Variants in CTNNA3 observed in about 807,000 individuals in gnomAD.
CTNNA3 encodes catenin alpha-3.
CTNNA3 carries 76 observed loss-of-function variants against 95.7 expected under a neutral mutation model. The ratio of observed to expected loss-of-function variants is 0.79; its 90% CI spans 0.66 to 0.96. The LOEUF is 0.96. Ranked by LOEUF, CTNNA3 falls within the 40% of genes least tolerant of loss-of-function variation. CTNNA3 has a pLI of 0.00. For synonymous variants in CTNNA3, 431 were observed against 374.4 expected, an observed-to-expected ratio of 1.15 and a Z score of -1.74; for missense variants, 1,191 against 1,089.8, an observed-to-expected ratio of 1.09 and a Z score of -1.31.
chr10:66,199,162 C>T (rs1310251787), intron 13 of CTNNA3, among the ~76,000 whole-genome samples: 2 of 152,000 alleles, frequency 1.3e-5, no homozygotes, highest in Non-Finnish European at 2.9e-5. Flanking sequence ...CTTACCTTCT[C>T]GGAGGAGGCT....
chr10:66,106,321 TTGTGTGTGTGTGTGTTTGTGTG>T (rs2081905197), intron 13 of CTNNA3, among the ~76,000 whole-genome samples: 1 of 139,036 alleles, frequency 7.2e-6, no homozygotes, highest in South Asian at 2.5e-4. Context: ...TCTGGAAGTT[TTGTGTGTGTGTGTGTTTGTGTG>T]TGTGTGTGTG....
intron 2 of CTNNA3, among the ~76,000 whole-genome samples, chr10:67,642,069 A>G (rs1369816436): frequency 6.6e-6 from 1 of 152,186 alleles, no homozygotes; most frequent in Non-Finnish European, 1.5e-5. Flanking sequence ...GTAAAACCCA[A>G]AACTATAAAA....
At chr10:66,314,833 A>T (rs887208795) in intron 12 of CTNNA3, among the ~76,000 whole-genome samples, 1 of 152,118 alleles carries the variant, frequency 6.6e-6, no homozygotes, top group Non-Finnish European at 1.5e-5. Context: ...AGAAGAATAA[A>T]AAACAGTAAA....
intron 9 of CTNNA3, among the ~76,000 whole-genome samples, chr10:66,684,309 A>C (rs2132510427): frequency 6.6e-6 from 1 of 152,322 alleles, no homozygotes; most frequent in East Asian, 1.9e-4. Context: ...TCTAGCTGAG[A>C]TTCAATAATA....
At chr10:66,880,272 A>G (rs533962740) in intron 7 of CTNNA3, among the ~76,000 whole-genome samples, 1 of 152,206 alleles carries the variant, frequency 6.6e-6, no homozygotes, top group Non-Finnish European at 1.5e-5. Context: ...AAAAGTAGGT[A>G]CAAGCTCTTT....
chr10:67,298,298 T>C (rs1218084683), intron 5 of CTNNA3, among the ~76,000 whole-genome samples: 2 of 152,186 alleles, frequency 1.3e-5, no homozygotes. Context: ...CCGAAGGTAA[T>C]ATGTATTGCA....
At chr10:67,527,186 G>A (rs1840171285) in intron 4 of CTNNA3, among the ~76,000 whole-genome samples, 1 of 152,108 alleles carries the variant, frequency 6.6e-6, no homozygotes, top group African/African-American at 2.4e-5. Context: ...GAGCCCAGGA[G>A]GCAGACGTTG....
intron 15 of CTNNA3, among the ~76,000 whole-genome samples, chr10:66,045,514 T>C (rs1360131847): frequency 6.6e-6 from 1 of 152,222 alleles, no homozygotes; most frequent in Non-Finnish European, 1.5e-5. Context: ...TATATTTATT[T>C]ACTTTGATTT....
chr10:67,219,109 G>A lies in CTNNA3; in HGVS notation c.843+498C>T, dbSNP rs16924249. Among the ~76,000 whole-genome samples, 1,971 of 152,200 alleles carry A rather than the reference G, an allele frequency of 0.013. 122 individuals are homozygous for A. In the East Asian group the frequency reaches 0.19, roughly 14 times the overall value. On this transcript the variant is annotated intron_variant, in intron 6 of 17. Transcript: ENST00000433211. Reference sequence around the variant, plus strand: ...CTTTGCTCTAGATCTTCATCTGCCCGATTCCTGAACTCTTTCAAGGCTTTG... The same window carrying A: ...CTTTGCTCTAGATCTTCATCTGCCCAATTCCTGAACTCTTTCAAGGCTTTG...
intron 9 of CTNNA3, among the ~76,000 whole-genome samples, chr10:66,674,099 A>G (rs1846760927): frequency 1.3e-5 from 2 of 151,952 alleles, no homozygotes; most frequent in South Asian, 2.1e-4. Flanking sequence ...TCCTCAATCA[A>G]TTCCATCTAT....
intron 7 of CTNNA3, among the ~76,000 whole-genome samples, chr10:67,138,154 AGT>A (rs200825167): frequency 6.6e-6 from 1 of 151,710 alleles, no homozygotes; most frequent in East Asian, 1.9e-4. Context: ...TATGGGTGTG[AGT>A]GTGTGTGTGT....
chr10:66,389,498 T>C (rs1456031298), intron 11 of CTNNA3, among the ~76,000 whole-genome samples: 1 of 152,108 alleles, frequency 6.6e-6, no homozygotes, highest in East Asian at 1.9e-4. Flanking sequence ...ATCATTTTTA[T>C]AGCCATCTTG....
chr10:66,093,929 C>A (rs559058021), intron 14 of CTNNA3, among the ~76,000 whole-genome samples: 1 of 152,074 alleles, frequency 6.6e-6, no homozygotes, highest in African/African-American at 2.4e-5. Context: ...TAGTGTCCTA[C>A]GTTCTGCAAA....
intron 1 of CTNNA3, among the ~76,000 whole-genome samples, chr10:67,677,489 G>A (rs758312128): frequency 3.3e-5 from 5 of 152,066 alleles, no homozygotes; most frequent in Non-Finnish European, 7.4e-5. Flanking sequence ...AGGAAAAAGG[G>A]AGCTGAAACT....
At chr10:67,129,164 C>T (rs1330131200) in intron 7 of CTNNA3, among the ~76,000 whole-genome samples, 1 of 152,138 alleles carries the variant, frequency 6.6e-6, no homozygotes, top group Admixed American at 6.5e-5. Flanking sequence ...CTCTACATAG[C>T]ACTTGCCTCT....
chr10:66,979,661 G>T (rs1564809264), intron 7 of CTNNA3, among the ~76,000 whole-genome samples: 1 of 152,146 alleles, frequency 6.6e-6, no homozygotes, highest in South Asian at 2.1e-4. Context: ...ATAGATGTTT[G>T]TGGGGATGAA....
At chr10:66,520,269 T>TG (rs1491121336) in intron 11 of CTNNA3, among the ~76,000 whole-genome samples, 26 of 113,938 alleles carry the variant, frequency 2.3e-4, no homozygotes, top group Non-Finnish European at 4.0e-4. Flanking sequence ...TTTTTTTTTT[T>TG]GAGATAGAGT....
chr10:66,744,497 T>G, intron 9 of CTNNA3, among the ~76,000 whole-genome samples: 1 of 152,170 alleles, frequency 6.6e-6, no homozygotes, highest in Non-Finnish European at 1.5e-5. Flanking sequence ...GACATTGGGG[T>G]TGTCCTGTCT....
intron 7 of CTNNA3, among the ~76,000 whole-genome samples, chr10:66,834,385 C>A (rs1842823448): frequency 1.3e-5 from 2 of 152,174 alleles, no homozygotes; most frequent in African/African-American, 4.8e-5. Flanking sequence ...TTCACAGTTA[C>A]ACAGGATTTT....
Sources: gnomAD v4.1 joint callset for allele counts (sites outside exome capture counted in the v4.1 genomes callset) on GRCh38, gnomAD v4.1.1 for gene constraint, MANE v1.5 for transcripts, NCBI Gene and HGNC (gene_info 2026-07-23, HGNC 2026-07-21) for gene names.